TOB2: variants seen among roughly 807,000 people sequenced by gnomAD.
TOB2 encodes the protein protein Tob2.
TOB2 carries 3 observed loss-of-function variants against 17.3 expected under a neutral mutation model. The ratio of observed to expected loss-of-function variants is 0.17; its 90% CI spans 0.08 to 0.45. The LOEUF is 0.45. TOB2 is among the 20% of genes least tolerant of loss of function. TOB2 has a pLI of 0.99. For missense variants in TOB2, 407 were observed against 445.7 expected, an observed-to-expected ratio of 0.91 and a Z score of 0.78; for synonymous variants, 163 against 185.6, an observed-to-expected ratio of 0.88 and a Z score of 0.99.
At chr22:41,443,028 G>C (rs2037635831) in intron 1 of TOB2, among the ~76,000 whole-genome samples, 1 of 152,120 alleles carries the variant, frequency 6.6e-6, no homozygotes, top group South Asian at 2.1e-4. Context: ...CTATTAAAAA[G>C]GGCAAATATG....
Position 41,433,593 on chromosome 22 carries a change from C to T in TOB2, c.*2718G>A, listed in dbSNP as rs531801403. ...TTTTGTTTTGTTTTTAAACTAAAATCTCTAAACACACCAATGTCCCATTCC... is the reference window on the plus strand; with the variant it reads ...TTTTGTTTTGTTTTTAAACTAAAATTTCTAAACACACCAATGTCCCATTCC... On this transcript the variant is annotated 3_prime_UTR_variant, in exon 2 of 2. Coordinates refer to ENST00000327492, the MANE Select transcript of TOB2 (RefSeq NM_016272.4). The T allele has an allele frequency of 4.7e-6, 1 of 211,880 alleles. No homozygotes were observed. The highest frequency in any genetic ancestry group is 7.1e-5 in the South Asian group (1 of 14,106). The allele number at this position is 211,880 out of a possible 1,614,324, so 13.1% of individuals were successfully genotyped here.
chr22:41,443,469 G>A (rs1322243741), intron 1 of TOB2, among the ~76,000 whole-genome samples: 1 of 151,504 alleles, frequency 6.6e-6, no homozygotes, highest in African/African-American at 2.4e-5. Context: ...ATAGGCACGC[G>A]GGACCACGCC....
intron 1 of TOB2, among the ~76,000 whole-genome samples, chr22:41,439,068 T>G (rs2037586209): frequency 6.6e-6 from 1 of 152,134 alleles, no homozygotes; most frequent in South Asian, 2.1e-4. Flanking sequence ...GCCAGCCTCA[T>G]GTCTCAGGAA....
In TOB2 at chr22:41,436,641, CAG is replaced by C; in HGVS notation, c.703_704del (p.Leu235ValfsTer38). Reference sequence around the variant, plus strand: ...TGATGAAGTTCAGTGAATGCATAGACAGAGAGAGGCTCTTGTGCTTCAGCAGG... The same window carrying C: ...TGATGAAGTTCAGTGAATGCATAGACAGAGAGGCTCTTGTGCTTCAGCAGG... Reference protein sequence around the residue: ...NSLLKHKSLSLSMHSLNFITA... With the variant: ...NSLLKHKSLSXSMHSLNFITA... On this transcript the variant is annotated frameshift_variant, in exon 2 of 2. Coordinates refer to ENST00000327492, the MANE Select transcript of TOB2 (RefSeq NM_016272.4). LOFTEE classifies it high-confidence loss of function. This position sits in a 1 kb window ranked among gnomAD's most constrained non-coding sequence, Gnocchi z 4.8. 1 of 1,614,102 alleles carries C rather than the reference CAG, an allele frequency of 6.2e-7. No homozygotes were observed. The highest frequency in any genetic ancestry group is 8.5e-7 in the Non-Finnish European group (1 of 1,180,010).
rs4085936 is a variant in TOB2, at chr22:41,434,176, A to T, written c.*2135T>A. On this transcript the variant is annotated 3_prime_UTR_variant, in exon 2 of 2. Transcript: ENST00000327492. The stretch of plus-strand genomic sequence containing the variant: ...TAAAAAAAATAAAATTGAAGCAAAA[A>T]TGCCTAGATTTGAGACAAGACAGAC... 3.4e-4 allele frequency: 54 copies of T among 158,382 alleles called. 1 individual carries two copies. Among genetic ancestry groups the T allele is most frequent in the Non-Finnish European group, 6.0e-4 (43 of 72,246 alleles). The allele number at this position is 158,382 out of a possible 1,614,324, so 9.8% of individuals were successfully genotyped here. A position where few individuals can be genotyped will look rare whatever the true frequency, so the allele number is the denominator to read the frequency against.
chr22:41,434,008 A>C lies in TOB2; in HGVS notation c.*2303T>G. ...AAAAAATTATGTTTTTTACGTTAGA[A>C]ATATACATATATTATATACCTCTTA... On this transcript the variant is annotated 3_prime_UTR_variant, in exon 2 of 2. Transcript: ENST00000327492. The C allele has an allele frequency of 4.2e-6, 1 of 240,066 alleles. No individual in the cohort carries two copies. The highest frequency in any genetic ancestry group is 8.5e-6 in the Non-Finnish European group (1 of 117,428). 14.9% of individuals were successfully genotyped at this position (240,066 alleles called of 1,614,324 possible).
rs2037533783 is a variant in TOB2, at chr22:41,435,337, C to A, written c.*974G>T. The A allele has an allele frequency of 2.6e-5, 4 of 152,274 alleles. No homozygotes were observed. The highest frequency in any genetic ancestry group is 5.9e-5 in the Non-Finnish European group (4 of 68,074). 9.4% of individuals were successfully genotyped at this position (152,274 alleles called of 1,614,324 possible). On this transcript the variant is annotated 3_prime_UTR_variant, in exon 2 of 2. Coordinates refer to ENST00000327492, the MANE Select transcript of TOB2 (RefSeq NM_016272.4). ...CACAGCGGTGTCACCCCACCACACA[C>A]ACTGCCCTGCAAAAGGACTGCCAAT...
At chr22:41,443,041 A>G (rs962871032) in intron 1 of TOB2, among the ~76,000 whole-genome samples, 1 of 152,196 alleles carries the variant, frequency 6.6e-6, no homozygotes, top group Non-Finnish European at 1.5e-5. Context: ...CAAATATGAG[A>G]GCAAAATTCT....
rs945971464 is a variant in TOB2 at position 41,436,184 on chromosome 22, T to G, written c.*127A>C. ...CCATTCCGTGCCTGGGCTGGATCTT[T>G]TTTCTAGAAGTAAGAGTGAGAAGAT... is the stretch of plus-strand genomic sequence containing the variant. On this transcript the variant is annotated 3_prime_UTR_variant, in exon 2 of 2. Transcript: ENST00000327492. The surrounding 1 kb of genome is among the most constrained non-coding windows in gnomAD (Gnocchi z 4.8). 6 of 1,299,006 alleles carry G rather than the reference T, an allele frequency of 4.6e-6. No individual in the cohort carries two copies. The highest frequency in any genetic ancestry group is 5.1e-6 in the Non-Finnish European group (5 of 987,594). The allele number at this position is 1,299,006 out of a possible 1,614,324, so 80.5% of individuals were successfully genotyped here.
chr22:41,439,983 C>T (rs2037595754), intron 1 of TOB2, among the ~76,000 whole-genome samples: 1 of 152,148 alleles, frequency 6.6e-6, no homozygotes, highest in Non-Finnish European at 1.5e-5. Flanking sequence ...AGCAGAGGTA[C>T]CACAACTATG....
At chr22:41,438,225 G>C (rs2037575192) in intron 1 of TOB2, among the ~76,000 whole-genome samples, 1 of 152,156 alleles carries the variant, frequency 6.6e-6, no homozygotes, top group Admixed American at 6.6e-5. Context: ...GAACAGGAAA[G>C]AGCACTGCCA....
chr22:41,444,474 T>C (rs1351201975), intron 1 of TOB2, among the ~76,000 whole-genome samples: 1 of 152,222 alleles, frequency 6.6e-6, no homozygotes, highest in Non-Finnish European at 1.5e-5. Context: ...ACTCTGGGAA[T>C]TGTAGTCCTC....
chr22:41,439,047 C>T (rs1323980230), intron 1 of TOB2, among the ~76,000 whole-genome samples: 1 of 152,204 alleles, frequency 6.6e-6, no homozygotes. Context: ...AGGTTTATTC[C>T]CTTGGCCTGG....
chr22:41,435,573 G>C lies in TOB2; in HGVS notation c.*738C>G, dbSNP rs1248590050. ...AAGCCCATACACATCAATGGCCAGGGCCATGATGATGGTCTGGGCCTAGAG... is the reference window on the plus strand; with the variant it reads ...AAGCCCATACACATCAATGGCCAGGCCCATGATGATGGTCTGGGCCTAGAG... On this transcript the variant is annotated 3_prime_UTR_variant, in exon 2 of 2. Transcript: ENST00000327492. 2.0e-5 allele frequency: 3 copies of C among 152,722 alleles called. No individual in the cohort carries two copies. The highest frequency in any genetic ancestry group is 7.2e-5 in the African/African-American group (3 of 41,476). 9.5% of individuals were successfully genotyped at this position (152,722 alleles called of 1,614,324 possible). A position where few individuals can be genotyped will look rare whatever the true frequency, so the allele number is the denominator to read the frequency against.
intron 1 of TOB2, among the ~76,000 whole-genome samples, chr22:41,437,679 C>T (rs550893254): frequency 3.9e-5 from 6 of 152,170 alleles, no homozygotes; most frequent in Non-Finnish European, 4.4e-5. Context: ...TGGCCGGGCG[C>T]GGTGGCTGAT....
At chr22:41,440,571 CTTTT>C (rs928099506) in intron 1 of TOB2, among the ~76,000 whole-genome samples, 2 of 129,530 alleles carry the variant, frequency 1.5e-5, no homozygotes, top group Admixed American at 7.9e-5. Flanking sequence ...CCACACCTGG[CTTTT>C]TTTTTTTTTT....
In TOB2 at chr22:41,437,164, C is replaced by G; in HGVS notation, c.182G>C (p.Gly61Ala). ...KGSGFRCVHI[G>A]EMVDPVVELA... ...CTCCACCACGGGGTCCACCATCTCC[C>G]CAATGTGAACACAGCGGAAGCCAGA... The change falls in exon 2 of 2, where the codon GGG becomes GCG. Residue 61 changes from glycine to alanine, a missense_variant. By Grantham distance (60) the Gly-to-Ala change is moderately conservative. Coordinates refer to ENST00000327492, the MANE Select transcript of TOB2 (RefSeq NM_016272.4). 1 of 1,614,180 alleles carries G rather than the reference C, an allele frequency of 6.2e-7. No individual in the cohort carries two copies. Among genetic ancestry groups the G allele is most frequent in the Non-Finnish European group, 8.5e-7 (1 of 1,180,042 alleles).
At position 41,437,375 on chromosome 22, in the gene TOB2, G is replaced by A. The variant is rs2037566519; in HGVS notation, c.-30C>T. On this transcript the variant is annotated 5_prime_UTR_variant, in exon 2 of 2. Transcript: ENST00000327492. The stretch of plus-strand genomic sequence containing the variant: ...CTTTCCTAGGCAGAGAATCAGCACA[G>A]GGCACGTGTACAGCCTTGGGCTCCA... The A allele has an allele frequency of 3.1e-6, 5 of 1,593,362 alleles. No individual in the cohort carries two copies. The highest frequency in any genetic ancestry group is 3.4e-6 in the Non-Finnish European group (4 of 1,170,362).
chr22:41,442,930 CCA>C (rs1333286224), intron 1 of TOB2, among the ~76,000 whole-genome samples: 1 of 152,070 alleles, frequency 6.6e-6, no homozygotes, highest in Non-Finnish European at 1.5e-5. Flanking sequence ...TTTTCTAACC[CCA>C]GTGTAGGCAC....
Sources: allele counts gnomAD v4.1 joint callset (sites outside exome capture counted in the v4.1 genomes callset), GRCh38; gene constraint gnomAD v4.1.1; non-coding constraint Gnocchi (gnomAD v3.1); transcripts MANE v1.5; gene names NCBI Gene and HGNC (gene_info 2026-07-23, HGNC 2026-07-21).